The following RABEPK variants were observed in gnomAD, a reference collection of about 807,000 sequenced individuals.
RABEPK encodes the protein Rab9 effector protein with kelch motifs.
Under a neutral mutation model 34.1 loss-of-function variants are expected in RABEPK, and 27 were observed. That is an observed-to-expected ratio of 0.79 (90% CI 0.58 to 1.09). The LOEUF (loss-of-function observed/expected upper bound fraction) is 1.09. Among genes scored for constraint, RABEPK ranks in the 50% least tolerant of loss-of-function variants. The pLI is 0.00. For synonymous variants in RABEPK, 172 were observed against 169.2 expected (o/e 1.02, Z -0.13); for missense variants, 449 against 462.6 (o/e 0.97, Z 0.27).
At chr9:125,225,579 T>A (rs1831676091) in intron 5 of RABEPK, among the ~76,000 whole-genome samples, 1 of 152,016 alleles carries the variant, frequency 6.6e-6, no homozygotes, top group East Asian at 1.9e-4. Context: ...TCCCAACACT[T>A]TGGGAGGCTG....
chr9:125,206,506 AAAAG>A (rs1398359071), intron 2 of RABEPK, among the ~76,000 whole-genome samples: 1 of 152,016 alleles, frequency 6.6e-6, no homozygotes, highest in Non-Finnish European at 1.5e-5. Flanking sequence ...TCAAAAAAAA[AAAAG>A]AGAGAGAGAG....
chr9:125,205,434 C>T (rs1830163580), intron 2 of RABEPK, among the ~76,000 whole-genome samples: 1 of 152,180 alleles, frequency 6.6e-6, no homozygotes, highest in Non-Finnish European at 1.5e-5. Context: ...TTCTTAGCTT[C>T]AGTTCCTCCG....
At chr9:125,230,346 A>C (rs1832079472) in intron 6 of RABEPK, among the ~76,000 whole-genome samples, 1 of 152,144 alleles carries the variant, frequency 6.6e-6, no homozygotes, top group Admixed American at 6.6e-5. Context: ...CAATGGGCAG[A>C]AGGCATGGGA....
chr9:125,213,321 T>C, intron 3 of RABEPK, 49 bp from the exon 4 acceptor site: 1 of 1,585,074 alleles, frequency 6.3e-7, no homozygotes, highest in Non-Finnish European at 8.6e-7. Flanking sequence ...TGCCAACCAA[T>C]ATAATAATTG....
At chr9:125,201,756 G>T (rs1380131397) in intron 1 of RABEPK, among the ~76,000 whole-genome samples, 1 of 152,002 alleles carries the variant, frequency 6.6e-6, no homozygotes, top group African/African-American at 2.4e-5. Flanking sequence ...TGGGACTACA[G>T]GCGTGGGCCA....
At chr9:125,216,412 T>A (rs1370848132) in intron 4 of RABEPK, among the ~76,000 whole-genome samples, 1 of 151,562 alleles carries the variant, frequency 6.6e-6, no homozygotes, top group African/African-American at 2.4e-5. Context: ...ATAAAAAAAT[T>A]AAAATTAAAA....
intron 2 of RABEPK, among the ~76,000 whole-genome samples, chr9:125,203,671 A>G (rs1830038981): frequency 6.6e-6 from 1 of 152,190 alleles, no homozygotes; most frequent in South Asian, 2.1e-4. Context: ...TGTACCCAGA[A>G]TACAGCCAAT....
At chr9:125,228,165 T>C (rs773572583) in intron 6 of RABEPK, 106 bp downstream of exon 6, 98 of 1,021,738 alleles carry the variant, frequency 9.6e-5, no homozygotes, top group Non-Finnish European at 1.2e-4. Flanking sequence ...TGCGGTGGCA[T>C]GATCTCAGTA....
At chr9:125,226,928 G>A (rs1831800874) in intron 5 of RABEPK, among the ~76,000 whole-genome samples, 1 of 151,848 alleles carries the variant, frequency 6.6e-6, no homozygotes, top group African/African-American at 2.4e-5. Context: ...CCAGCACTTT[G>A]GGAGGCCAAG....
rs374503246 is a variant in RABEPK, at chr9:125,206,370, C to T, written c.54-1194C>T. Among the ~76,000 whole-genome samples, 114 of 152,060 alleles carry T rather than the reference C, an allele frequency of 7.5e-4. 1 individual carries two copies. The East Asian group carries it at 0.015, about 21-fold the overall frequency. ...AAAATTAGCCAGGCATGGTGGTGCG[C>T]GCCTGTAGTCCCAGCTACTCGGGAG... On this transcript the variant is annotated intron_variant, in intron 2 of 7. Coordinates refer to ENST00000373538, the MANE Select transcript of RABEPK (RefSeq NM_005833.4).
At chr9:125,209,538 G>GTT (rs2131377076) in intron 3 of RABEPK, among the ~76,000 whole-genome samples, 1 of 151,606 alleles carries the variant, frequency 6.6e-6, no homozygotes, top group Non-Finnish European at 1.5e-5. Context: ...TAGTAGAGAT[G>GTT]GGGGTTTCAC....
intron 6 of RABEPK, among the ~76,000 whole-genome samples, chr9:125,230,761 TCCTGA>T (rs1024132552): frequency 1.8e-4 from 28 of 151,412 alleles, no homozygotes; most frequent in African/African-American, 6.8e-4. Context: ...GGTCTCAATC[TCCTGA>T]CCTTGTGATC....
intron 5 of RABEPK, 47 bp from the exon 6 acceptor site, chr9:125,227,863 T>A: frequency 6.7e-7 from 1 of 1,493,302 alleles, no homozygotes; most frequent in South Asian, 1.3e-5. Context: ...TCTCGTGTTC[T>A]TTTTTAATAG....
At chr9:125,225,453 G>T (rs527739573) in intron 5 of RABEPK, among the ~76,000 whole-genome samples, 5 of 151,282 alleles carry the variant, frequency 3.3e-5, no homozygotes, top group African/African-American at 1.2e-4. Flanking sequence ...GGAGGCCCAG[G>T]GGGGTGGATC....
intron 3 of RABEPK, among the ~76,000 whole-genome samples, chr9:125,211,173 C>T (rs147579869): frequency 0.033 from 4,958 of 150,670 alleles, 237 homozygotes; most frequent in African/African-American, 0.11. Context: ...GGAGGCAGAG[C>T]TTGCAGTGAG....
chr9:125,208,169 C>G (rs1177419073), intron 3 of RABEPK, among the ~76,000 whole-genome samples: 1 of 152,030 alleles, frequency 6.6e-6, no homozygotes, highest in Non-Finnish European at 1.5e-5. Context: ...ACTGACAGAT[C>G]CCTCAGGTTT....
At position 125,201,836 on chromosome 9, in the gene RABEPK, C is replaced by T. The variant is rs1024904484; in HGVS notation, c.-7+930C>T. On this transcript the variant is annotated intron_variant, in intron 1 of 7. Coordinates refer to ENST00000373538, the MANE Select transcript of RABEPK (RefSeq NM_005833.4). The stretch of plus-strand genomic sequence containing the variant: ...TTCACCATGTTGGCCAGGATGGTAT[C>T]GATCTGACCTCATGATCCGCCTGCC... Among the ~76,000 whole-genome samples the T allele has an allele frequency of 2.0e-5, 3 of 151,700 alleles. No individual in the cohort carries two copies. The East Asian group carries it at 5.9e-4, about 30-fold the overall frequency.
At chr9:125,222,155 C>A (rs1831384990) in intron 5 of RABEPK, 1 of 147,540 alleles carries the variant, frequency 6.8e-6, no homozygotes. Context: ...ATTCCCAAGC[C>A]AGAGTATTTG....
Position 125,227,832 on chromosome 9 carries a change from C to G in RABEPK, c.527-78C>G. 2.9e-6 allele frequency: 4 copies of G among 1,387,370 alleles called. No homozygotes were observed. In the South Asian group the frequency reaches 4.7e-5, roughly 16 times the overall value. The allele number at this position is 1,387,370 out of a possible 1,614,324, so 85.9% of individuals were successfully genotyped here. On this transcript the variant is annotated intron_variant, in intron 5 of 7. Transcript: ENST00000373538. Reference sequence around the variant, plus strand: ...GGACAGCTCCGCTTGCTAGGAGGTGCTACAGAGGCTTGGGCCTGTTTCTCG... The same window carrying G: ...GGACAGCTCCGCTTGCTAGGAGGTGGTACAGAGGCTTGGGCCTGTTTCTCG...
Sources: allele counts gnomAD v4.1 joint callset (sites outside exome capture counted in the v4.1 genomes callset), GRCh38; gene constraint gnomAD v4.1.1; transcripts MANE v1.5; gene names NCBI Gene and HGNC (gene_info 2026-07-23, HGNC 2026-07-21).